CCND2: variants seen among roughly 807,000 people sequenced by gnomAD.
CCND2 encodes G1/S-specific cyclin-D2.
A neutral mutation model predicts 30.2 loss-of-function variants in CCND2; 6 were observed. That is an observed-to-expected ratio of 0.20 (90% CI 0.11 to 0.39). CCND2 has a LOEUF of 0.39. Ranked by LOEUF, CCND2 falls within the 10% of genes least tolerant of loss-of-function variation. CCND2 has a pLI of 1.00. For synonymous variants in CCND2, 150 were observed against 153.1 expected (o/e 0.98, Z 0.15); for missense variants, 235 against 373.4 (o/e 0.63, Z 3.06).
At chr12:4,295,554 A>C (rs1864158112) in intron 4 of CCND2, among the ~76,000 whole-genome samples, 1 of 152,204 alleles carries the variant, frequency 6.6e-6, no homozygotes, top group Admixed American at 6.5e-5. Context: ...AGGCGGGTGG[A>C]TCATCTGAGG....
At position 4,304,978 on chromosome 12, in the gene CCND2, CT is replaced by C. The variant is rs67603280; in HGVS notation, c.*4979del. ...CAGTTATGTAGTTTCTTGTCTTGGA[CT>C]TTTTTTTTTCTTTTCTTTTTCTTTT... On this transcript the variant is annotated 3_prime_UTR_variant, in exon 5 of 5. Transcript: ENST00000261254. This position sits in a 1 kb window ranked among gnomAD's most constrained non-coding sequence, Gnocchi z 6.2. The C allele has an allele frequency of 0.25, 55,420 of 219,276 alleles. 7,810 individuals are homozygous for C. Among genetic ancestry groups the C allele is most frequent in the African/African-American group, 0.42 (18,273 of 43,572 alleles). 13.6% of individuals were successfully genotyped at this position (219,276 alleles called of 1,614,324 possible).
intron 3 of CCND2, among the ~76,000 whole-genome samples, chr12:4,279,343 A>C (rs887692930): frequency 6.6e-6 from 1 of 152,218 alleles, no homozygotes; most frequent in Non-Finnish European, 1.5e-5. Flanking sequence ...AACAACGTCA[A>C]GATAAATATG....
chr12:4,283,479 A>T (rs540418130), intron 3 of CCND2, among the ~76,000 whole-genome samples: 2 of 152,200 alleles, frequency 1.3e-5, no homozygotes, highest in Non-Finnish European at 2.9e-5. Flanking sequence ...TCTCATCCGG[A>T]TCCCAGGCCC....
rs925981931 is a variant in CCND2, at chr12:4,274,629, C to T, written c.195+394C>T. ...CGGGACCCCGAGTAGAAAGGCAACC[C>T]CCCCCAAAAGGCCAGAGCAAATTCG... On this transcript the variant is annotated intron_variant, in intron 1 of 4. Coordinates refer to ENST00000261254, the MANE Select transcript of CCND2 (RefSeq NM_001759.4). This position sits in a 1 kb window ranked among gnomAD's most constrained non-coding sequence, Gnocchi z 7.7. 2.0e-5 allele frequency among the ~76,000 whole-genome samples: 3 copies of T among 152,144 alleles called. No homozygotes were observed. The highest frequency in any genetic ancestry group is 4.4e-5 in the Non-Finnish European group (3 of 68,024).
At chr12:4,288,472 C>G (rs1023142385) in intron 3 of CCND2, among the ~76,000 whole-genome samples, 1 of 152,102 alleles carries the variant, frequency 6.6e-6, no homozygotes, top group Non-Finnish European at 1.5e-5. Flanking sequence ...ACCATCACCT[C>G]TAGAGGAGAC....
rs749583873 is a variant in CCND2, at chr12:4,301,739, T to C, written c.*1730T>C. On this transcript the variant is annotated 3_prime_UTR_variant, in exon 5 of 5. Coordinates refer to ENST00000261254, the MANE Select transcript of CCND2 (RefSeq NM_001759.4). ...CTAAAGTCATCCATCCTTATTCACGTTGACAGTACCTAGCTGTAATGTTTC... is the reference window on the plus strand; with the variant it reads ...CTAAAGTCATCCATCCTTATTCACGCTGACAGTACCTAGCTGTAATGTTTC... 1 of 220,586 alleles carries C rather than the reference T, an allele frequency of 4.5e-6. No individual in the cohort carries two copies. Among genetic ancestry groups the C allele is most frequent in the Middle Eastern group, 1.4e-3 (1 of 710 alleles). 13.7% of individuals were successfully genotyped at this position (220,586 alleles called of 1,614,324 possible).
In CCND2 at chr12:4,301,440, G is replaced by T. The variant is rs564604964; in HGVS notation, c.*1431G>T. 1 of 231,780 alleles carries T rather than the reference G, an allele frequency of 4.3e-6. No individual in the cohort carries two copies. The highest frequency in any genetic ancestry group is 2.2e-5 in the African/African-American group (1 of 44,860). 14.4% of individuals were successfully genotyped at this position (231,780 alleles called of 1,614,324 possible). On this transcript the variant is annotated 3_prime_UTR_variant, in exon 5 of 5. Transcript: ENST00000261254. ...TTTTCTTCCTCTCCACTTCTTAGAGGCATTCAGTTAGCAAAGAGGTTGGAG... is the reference window on the plus strand; with the variant it reads ...TTTTCTTCCTCTCCACTTCTTAGAGTCATTCAGTTAGCAAAGAGGTTGGAG...
intron 4 of CCND2, among the ~76,000 whole-genome samples, chr12:4,298,952 G>T (rs1472691355): frequency 6.6e-6 from 1 of 152,174 alleles, no homozygotes; most frequent in Non-Finnish European, 1.5e-5. Flanking sequence ...GCATATTCTT[G>T]CTTATTCCCA....
chr12:4,296,639 A>C (rs1301530647), intron 4 of CCND2, among the ~76,000 whole-genome samples: 1 of 152,136 alleles, frequency 6.6e-6, no homozygotes, highest in Non-Finnish European at 1.5e-5. Context: ...TTCAGTTGGG[A>C]ACAAGTATAT....
intron 4 of CCND2, among the ~76,000 whole-genome samples, chr12:4,289,882 A>G (rs1211244490): frequency 1.3e-5 from 2 of 152,086 alleles, no homozygotes; most frequent in Non-Finnish European, 2.9e-5. Flanking sequence ...TGCCCCCTGG[A>G]AACTTCCCAC....
intron 4 of CCND2, 65 bp downstream of exon 4, chr12:4,289,055 C>T (rs1478337562): frequency 7.6e-6 from 11 of 1,446,084 alleles, no homozygotes; most frequent in Non-Finnish European, 1.0e-5. Context: ...AAGGAGACGA[C>T]GGATTTGATT....
At chr12:4,275,888 A>G (rs1288043212) in intron 1 of CCND2, 117 bp from the exon 2 acceptor site, 6 of 638,662 alleles carry the variant, frequency 9.4e-6, no homozygotes, top group Non-Finnish European at 1.6e-5. Flanking sequence ...TCCCCCTCCC[A>G]CAAAAAAAAA....
intron 4 of CCND2, chr12:4,297,744 GTCAT>G: frequency 3.1e-6 from 1 of 323,100 alleles, no homozygotes; most frequent in Non-Finnish European, 6.6e-6. Flanking sequence ...GTGATTTATC[GTCAT>G]TCATTCAGCT....
chr12:4,293,254 C>T lies in CCND2; in HGVS notation c.720+4264C>T, dbSNP rs1423060706. 6.6e-6 allele frequency among the ~76,000 whole-genome samples: 1 copy of T among 152,140 alleles called. No individual in the cohort carries two copies. The highest frequency in any genetic ancestry group is 1.5e-5 in the Non-Finnish European group (1 of 68,042). On this transcript the variant is annotated intron_variant, in intron 4 of 4. Coordinates refer to ENST00000261254, the MANE Select transcript of CCND2 (RefSeq NM_001759.4). The surrounding 1 kb of genome is among the most constrained non-coding windows in gnomAD (Gnocchi z 4.9). ...TGACACAGTTGCACAAATTCACTAACTAAAAAATGGAATGGAGGCTCACAG... is the reference window on the plus strand; with the variant it reads ...TGACACAGTTGCACAAATTCACTAATTAAAAAATGGAATGGAGGCTCACAG...
rs757476760 is a variant in CCND2, at chr12:4,300,015, C to G, written c.*6C>G. 2 of 1,611,656 alleles carry G rather than the reference C, an allele frequency of 1.2e-6. No individual in the cohort carries two copies. The highest frequency in any genetic ancestry group is 2.7e-5 in the African/African-American group (2 of 74,848). ...TGCGGGATATCGACCTGTGAGGATGCCAGTTGGGCCGAAAGAGAGAGACGC... is the reference window on the plus strand; with the variant it reads ...TGCGGGATATCGACCTGTGAGGATGGCAGTTGGGCCGAAAGAGAGAGACGC... On this transcript the variant is annotated 3_prime_UTR_variant, in exon 5 of 5. Coordinates refer to ENST00000261254, the MANE Select transcript of CCND2 (RefSeq NM_001759.4).
chr12:4,281,195 C>G (rs532555587), intron 3 of CCND2, among the ~76,000 whole-genome samples: 1 of 152,192 alleles, frequency 6.6e-6, no homozygotes, highest in Non-Finnish European at 1.5e-5. Flanking sequence ...GGTAGGTCCT[C>G]GGCAGTTTCC....
At chr12:4,279,193 A>G (rs1863914159) in intron 3 of CCND2, among the ~76,000 whole-genome samples, 1 of 152,228 alleles carries the variant, frequency 6.6e-6, no homozygotes. Flanking sequence ...ATTCTTTATG[A>G]TGGCTAAAGT....
At chr12:4,277,672 G>A (rs1294537835) in intron 2 of CCND2, among the ~76,000 whole-genome samples, 1 of 152,180 alleles carries the variant, frequency 6.6e-6, no homozygotes, top group African/African-American at 2.4e-5. Flanking sequence ...CAAATGAGAA[G>A]GCTGAGGCCT....
intron 2 of CCND2, among the ~76,000 whole-genome samples, chr12:4,277,933 A>G (rs1863896482): frequency 6.6e-6 from 1 of 152,230 alleles, no homozygotes; most frequent in African/African-American, 2.4e-5. Flanking sequence ...TAAGTATCTC[A>G]GTGAAAGAGG....
Sources: gnomAD v4.1 joint callset for allele counts (sites outside exome capture counted in the v4.1 genomes callset) on GRCh38, gnomAD v4.1.1 for gene constraint, Gnocchi (gnomAD v3.1) non-coding constraint, MANE v1.5 for transcripts, NCBI Gene and HGNC (gene_info 2026-07-23, HGNC 2026-07-21) for gene names.